The following RAD17 variants were observed in gnomAD, a reference collection of about 807,000 sequenced individuals.
The protein encoded by RAD17 is RAD17 checkpoint clamp loader component, also known as cell cycle checkpoint protein RAD17.
Under a neutral mutation model 81.5 loss-of-function variants are expected in RAD17, and 31 were observed. The ratio of observed to expected loss-of-function variants is 0.38; its 90% CI spans 0.29 to 0.51. The LOEUF (loss-of-function observed/expected upper bound fraction) is 0.51, where lower values mean the gene tolerates loss of function less well. Among genes scored for constraint, RAD17 ranks in the 20% least tolerant of loss-of-function variants. The pLI is 0.88. For missense variants in RAD17, 681 were observed against 781.2 expected (o/e 0.87, Z 1.53); for synonymous variants, 261 against 266.2 (o/e 0.98, Z 0.19).
chr5:69,407,444 T>C (rs955523444), intron 17 of RAD17, among the ~76,000 whole-genome samples: 3 of 152,114 alleles, frequency 2.0e-5, no homozygotes, highest in South Asian at 2.1e-4. Context: ...TAAATATTTT[T>C]CTGCTGCTTT....
intron 6 of RAD17, among the ~76,000 whole-genome samples, chr5:69,378,869 G>C (rs980759807): frequency 6.6e-6 from 1 of 152,144 alleles, no homozygotes. Flanking sequence ...GCTTGTTACT[G>C]TATTGAATAC....
chr5:69,374,009 G>A lies in RAD17; in HGVS notation c.189G>A (p.Gln63=), dbSNP rs1189022096. 6.2e-7 allele frequency: 1 copy of A among 1,611,886 alleles called. No homozygotes were observed. Among genetic ancestry groups the A allele is most frequent in the Non-Finnish European group, 8.5e-7 (1 of 1,178,608 alleles). Residue 63 remains glutamine, a synonymous_variant, in exon 5 of 19, where the codon CAG becomes CAA. Transcript: ENST00000354868. ...RKRGNLSSLE[Q]IYGLENSKEY... ...GAGGAAATCTATCTTCCTTAGAACAGATTTATGGTTTAGAAAATTCAAAAG... is the reference window on the plus strand; with the variant it reads ...GAGGAAATCTATCTTCCTTAGAACAAATTTATGGTTTAGAAAATTCAAAAG...
In RAD17 at chr5:69,400,044, T is replaced by G; in HGVS notation, c.1573-5T>G. The G allele has an allele frequency of 6.4e-7, 1 of 1,569,688 alleles. No homozygotes were observed. The highest frequency in any genetic ancestry group is 8.6e-7 in the Non-Finnish European group (1 of 1,156,340). On this transcript the variant is annotated splice_region_variant and splice_polypyrimidine_tract_variant and intron_variant, in intron 16 of 18. Coordinates refer to ENST00000354868, the MANE Select transcript of RAD17 (RefSeq NM_133338.3). ...TTTCATCTTTTTTTTTTCTTTTCTA[T>G]ACAGTATCGGGAAAATTGCCTGGCA...
Position 69,381,936 on chromosome 5 carries a change from A to C in RAD17, c.387A>C (p.Gly129=), listed in dbSNP as rs755555015. The part of the protein sequence containing the change: ...GSILLITGPP[G]CGKTTTLKIL... ...TTTTATTAATAACAGGTCCTCCTGGATGTGGAAAGACAACGACCTTAAAAA... is the reference window on the plus strand; with the variant it reads ...TTTTATTAATAACAGGTCCTCCTGGCTGTGGAAAGACAACGACCTTAAAAA... The change falls in exon 7 of 19, where the codon GGA becomes GGC. Residue 129 remains glycine (G), a synonymous_variant. Coordinates refer to ENST00000354868, the MANE Select transcript of RAD17 (RefSeq NM_133338.3). The C allele has an allele frequency of 6.2e-7, 1 of 1,606,652 alleles. No individual in the cohort carries two copies. Among genetic ancestry groups the C allele is most frequent in the Non-Finnish European group, 8.5e-7 (1 of 1,174,728 alleles).
rs746825969 is a variant in RAD17 at position 69,389,061 on chromosome 5, A to G, written c.922A>G (p.Lys308Glu). Residue 308 changes from lysine (K) to glutamate (E), a missense_variant, in exon 12 of 19, where the codon AAA becomes GAA. Physicochemically the swap from Lys to Glu is moderately conservative, Grantham distance 56. Coordinates refer to ENST00000354868, the MANE Select transcript of RAD17 (RefSeq NM_133338.3). ...TGGAGGAAAAATTACTGTCCCTGACAAAACTTCTCTAGAGTTGCTCTGTCA... is the reference window on the plus strand; with the variant it reads ...TGGAGGAAAAATTACTGTCCCTGACGAAACTTCTCTAGAGTTGCTCTGTCA... ...KNGGKITVPDKTSLELLCQGC... is the reference protein window; with the variant it reads ...KNGGKITVPDETSLELLCQGC... 2 of 1,521,908 alleles carry G rather than the reference A, an allele frequency of 1.3e-6. No individual in the cohort carries two copies. The highest frequency in any genetic ancestry group is 1.8e-6 in the Non-Finnish European group (2 of 1,136,044). 94.3% of individuals were successfully genotyped at this position (1,521,908 alleles called of 1,614,324 possible).
upstream of RAD17, chr5:69,369,759 C>T: frequency 6.8e-7 from 1 of 1,481,250 alleles, no homozygotes; most frequent in Non-Finnish European, 9.2e-7. Context: ...GTCACACACT[C>T]CTTCGGTGGT....
intron 15 of RAD17, among the ~76,000 whole-genome samples, chr5:69,393,940 G>A (rs1446060817): frequency 7.6e-6 from 1 of 131,330 alleles, no homozygotes; most frequent in African/African-American, 2.8e-5. Context: ...TTGAGAAGAG[G>A]CTCTATCTAC....
intron 18 of RAD17, 68 bp downstream of exon 18, chr5:69,410,618 T>C: frequency 7.4e-7 from 1 of 1,357,812 alleles, no homozygotes; most frequent in Non-Finnish European, 1.0e-6. Flanking sequence ...TCAGTATGAA[T>C]CAATAACTGT....
chr5:69,391,003 T>G (rs1352551173), intron 12 of RAD17, among the ~76,000 whole-genome samples: 1 of 150,408 alleles, frequency 6.6e-6, no homozygotes, highest in Non-Finnish European at 1.5e-5. Flanking sequence ...ATCCCAGCAC[T>G]TGGGGAGGCC....
chr5:69,386,318 T>C lies in RAD17; in HGVS notation c.824+13T>C. The C allele has an allele frequency of 6.3e-7, 1 of 1,589,602 alleles. No homozygotes were observed. Among genetic ancestry groups the C allele is most frequent in the South Asian group, 1.2e-5 (1 of 85,620 alleles). On this transcript the variant is annotated intron_variant, in intron 10 of 18. Coordinates refer to ENST00000354868, the MANE Select transcript of RAD17 (RefSeq NM_133338.3). ...TCTCAAATATTAGGTAAGAAAGAAATTTCTGCTTATAAAGGTCACATACAT... is the reference window on the plus strand; with the variant it reads ...TCTCAAATATTAGGTAAGAAAGAAACTTCTGCTTATAAAGGTCACATACAT...
In RAD17 at chr5:69,412,019, C is replaced by T. The variant is rs187866767; in HGVS notation, c.1751+1469C>T. On this transcript the variant is annotated intron_variant, in intron 18 of 18. Transcript: ENST00000354868. Reference sequence around the variant, plus strand: ...TCGCCCAGGCTGGAGTGCAGTAGCACGATCTCGGCTCACTGCAAGCTCCAC... The same window carrying T: ...TCGCCCAGGCTGGAGTGCAGTAGCATGATCTCGGCTCACTGCAAGCTCCAC... Among the ~76,000 whole-genome samples the T allele has an allele frequency of 4.6e-5, 7 of 152,174 alleles. No homozygotes were observed. The East Asian group carries it at 7.7e-4, about 17-fold the overall frequency.
At chr5:69,369,402 C>G, upstream of RAD17, 1 of 1,591,316 alleles carries the variant, frequency 6.3e-7, no homozygotes, top group Non-Finnish European at 8.6e-7. Flanking sequence ...CGCCCGATGC[C>G]CAGAGCACTC....
At chr5:69,377,698 T>TG (rs1371031523) in intron 6 of RAD17, among the ~76,000 whole-genome samples, 3 of 99,774 alleles carry the variant, frequency 3.0e-5, no homozygotes, top group Admixed American at 1.2e-4. Context: ...TATGTATACA[T>TG]ATATATATGT....
intron 15 of RAD17, 23 bp downstream of exon 15, chr5:69,393,523 G>A: frequency 6.4e-7 from 1 of 1,569,942 alleles, no homozygotes; most frequent in Non-Finnish European, 8.6e-7. Flanking sequence ...GACTTAAAAT[G>A]TTTATGTTTA....
chr5:69,383,365 TTTATTA>T (rs1412098861), intron 7 of RAD17, among the ~76,000 whole-genome samples: 1 of 151,496 alleles, frequency 6.6e-6, no homozygotes, highest in East Asian at 1.9e-4. Context: ...TTTTCTTTTC[TTTATTA>T]TTATTATTAC....
intron 7 of RAD17, among the ~76,000 whole-genome samples, chr5:69,383,275 C>T (rs1763966738): frequency 6.6e-6 from 1 of 151,932 alleles, no homozygotes; most frequent in Non-Finnish European, 1.5e-5. Flanking sequence ...GTGGAGTGTT[C>T]CTCAAAATCC....
intron 7 of RAD17, 122 bp from the exon 8 acceptor site, chr5:69,384,675 T>G (rs1764066456): frequency 1.1e-6 from 1 of 902,374 alleles, no homozygotes; most frequent in Admixed American, 3.5e-5. Flanking sequence ...TGATTTTTCC[T>G]AATTGGGAAA....
At chr5:69,374,489 C>A in intron 5 of RAD17, 139 bp from the exon 6 acceptor site, 2 of 555,160 alleles carry the variant, frequency 3.6e-6, no homozygotes, top group South Asian at 3.3e-5. Flanking sequence ...CAAGTATAAT[C>A]AAAAGGATCA....
rs1189560056 is a variant in RAD17 at position 69,384,825 on chromosome 5, G to A, written c.537G>A (p.Gln179=). ...TESSFHMFPY[Q]SQIAVFKEFL... ...CAAGCTTCCATATGTTTCCCTATCA[G>A]TCTCAGATAGCAGTTTTCAAAGAGT... The change falls in exon 8 of 19, where the codon CAG becomes CAA. Residue 179 remains glutamine, a synonymous_variant. Transcript: ENST00000354868. 6 of 1,610,510 alleles carry A rather than the reference G, an allele frequency of 3.7e-6. No homozygotes were observed. The highest frequency in any genetic ancestry group is 5.1e-6 in the Non-Finnish European group (6 of 1,178,268).
Sources: gnomAD v4.1 joint callset for allele counts (sites outside exome capture counted in the v4.1 genomes callset) on GRCh38, gnomAD v4.1.1 for gene constraint, MANE v1.5 for transcripts, NCBI Gene and HGNC (gene_info 2026-07-23, HGNC 2026-07-21) for gene names.